The following SEMA3A variants were observed in gnomAD, a reference collection of about 807,000 sequenced individuals.
SEMA3A encodes the protein semaphorin-3A.
In SEMA3A, 29 loss-of-function variants were observed where a neutral mutation model predicts 97.9. The ratio of observed to expected loss-of-function variants is 0.30; its 90% confidence interval spans 0.22 to 0.40. The LOEUF (loss-of-function observed/expected upper bound fraction) is 0.40, where lower values mean the gene tolerates loss of function less well. SEMA3A is among the 10% of genes least tolerant of loss of function. The pLI is 1.00. For synonymous variants in SEMA3A, 321 were observed against 323.7 expected, an observed-to-expected ratio of 0.99 and a Z score of 0.09; for missense variants, 763 against 951.3, an observed-to-expected ratio of 0.80 and a Z score of 2.60.
intron 3 of SEMA3A, among the ~76,000 whole-genome samples, chr7:84,270,108 A>C (rs1800105369): frequency 6.6e-6 from 1 of 152,100 alleles, no homozygotes; most frequent in Non-Finnish European, 1.5e-5. Context: ...CAAAGGATTA[A>C]GCTTGGGAAT....
intron 1 of SEMA3A, among the ~76,000 whole-genome samples, chr7:84,386,417 T>C (rs1278418531): frequency 6.6e-6 from 1 of 152,080 alleles, no homozygotes; most frequent in Non-Finnish European, 1.5e-5. Context: ...GACTGAAAAA[T>C]GGTGCCTGAG....
chr7:84,464,709 T>C (rs1457331039), intron 1 of SEMA3A, among the ~76,000 whole-genome samples: 6 of 152,280 alleles, frequency 3.9e-5, no homozygotes, highest in African/African-American at 7.2e-5. Context: ...AATTGATGCA[T>C]AGAAATTAGC....
At chr7:84,182,454 C>T (rs1461967536) in intron 1 of SEMA3A, among the ~76,000 whole-genome samples, 3 of 152,112 alleles carry the variant, frequency 2.0e-5, no homozygotes, top group African/African-American at 7.2e-5. Context: ...AAATGACTGA[C>T]TTTAGTTCAT....
chr7:84,490,243 AC>A (rs1806687155), intron 1 of SEMA3A, among the ~76,000 whole-genome samples: 1 of 150,986 alleles, frequency 6.6e-6, no homozygotes, highest in African/African-American at 2.4e-5. Context: ...CTATAACACC[AC>A]CACCATTACA....
At chr7:83,984,608 CTTTTT>C (rs371082897) in intron 13 of SEMA3A, among the ~76,000 whole-genome samples, 16 of 98,884 alleles carry the variant, frequency 1.6e-4, no homozygotes, top group South Asian at 1.1e-3. Context: ...GATTTTTCTG[CTTTTT>C]TTTTTTTTTT....
chr7:83,967,394 A>G lies in SEMA3A; in HGVS notation c.1718-4047T>C, dbSNP rs185930895. Among the ~76,000 whole-genome samples the G allele has an allele frequency of 3.3e-5, 5 of 152,258 alleles. 1 individual carries two copies. In the East Asian group the frequency reaches 5.8e-4, roughly 18 times the overall value. ...CAGCTCCAGAAAAAAGTACGAACAG[A>G]AATAATATTTCGGTTCCTATCTTAT... On this transcript the variant is annotated intron_variant, in intron 15 of 16. Coordinates refer to ENST00000265362, the MANE Select transcript of SEMA3A (RefSeq NM_006080.3).
intron 1 of SEMA3A, among the ~76,000 whole-genome samples, chr7:84,458,270 T>C (rs116814933): frequency 6.6e-6 from 1 of 151,998 alleles, no homozygotes; most frequent in Non-Finnish European, 1.5e-5. Context: ...GTAAAAAGAA[T>C]ACATCTTATC....
chr7:84,063,353 G>T (rs966354862), intron 4 of SEMA3A, among the ~76,000 whole-genome samples: 12 of 150,630 alleles, frequency 8.0e-5, no homozygotes, highest in East Asian at 2.0e-4. Context: ...ACTCTAAAAA[G>T]CAGAGCGCCT....
At chr7:84,150,651 T>C (rs201268690) in intron 1 of SEMA3A, among the ~76,000 whole-genome samples, 17,276 of 151,546 alleles carry the variant, frequency 0.11, 1,418 homozygotes, top group African/African-American at 0.22. Context: ...AAGGCGGCAG[T>C]GAGGATGGGG....
At chr7:83,977,231 C>T in intron 14 of SEMA3A, 35 bp from the exon 15 acceptor site, 1 of 1,245,662 alleles carries the variant, frequency 8.0e-7, no homozygotes, top group Non-Finnish European at 1.1e-6. Context: ...GTTATTGTAT[C>T]CTTATTTTTC....
intron 3 of SEMA3A, among the ~76,000 whole-genome samples, chr7:84,291,514 T>G (rs1800745594): frequency 6.6e-6 from 1 of 152,178 alleles, no homozygotes; most frequent in South Asian, 2.1e-4. Context: ...CAGAAAAATG[T>G]TAAAAATTAC....
chr7:83,990,629 A>G (rs1317212967), intron 12 of SEMA3A, among the ~76,000 whole-genome samples: 1 of 146,784 alleles, frequency 6.8e-6, no homozygotes, highest in Non-Finnish European at 1.5e-5. Flanking sequence ...AGATAGTTGT[A>G]GATATGTGGC....
intron 1 of SEMA3A, among the ~76,000 whole-genome samples, chr7:84,491,552 T>C (rs905143030): frequency 6.6e-6 from 1 of 152,126 alleles, no homozygotes; most frequent in African/African-American, 2.4e-5. Flanking sequence ...TTCTTTTACA[T>C]TGGCTGACAT....
chr7:84,478,178 C>G (rs2116426743), intron 1 of SEMA3A, among the ~76,000 whole-genome samples: 1 of 152,240 alleles, frequency 6.6e-6, no homozygotes, highest in East Asian at 1.9e-4. Flanking sequence ...GGACTTGGAG[C>G]AAAACTGAGC....
chr7:84,051,940 A>G (rs1481416381), intron 5 of SEMA3A, among the ~76,000 whole-genome samples: 2 of 150,468 alleles, frequency 1.3e-5, no homozygotes, highest in African/African-American at 4.9e-5. Flanking sequence ...AATTTTGTCA[A>G]AGGCCTTTTC....
At position 84,320,996 on chromosome 7, in the gene SEMA3A, G is replaced by A. The variant is rs75237268; in HGVS notation, c.-168-13704C>T. ...AATATTGGTGAATTACCTCATATTA[G>A]TCCAATATGTATTTAGCTGAATTTC... On this transcript the variant is annotated intron_variant, in intron 2 of 3. Transcript: ENST00000424555. Among the ~76,000 whole-genome samples the A allele has an allele frequency of 7.1e-3, 1,075 of 152,228 alleles. 13 individuals are homozygous for A. Among genetic ancestry groups the A allele is most frequent in the African/African-American group, 0.024 (999 of 41,550 alleles).
At chr7:83,977,065 C>T in intron 15 of SEMA3A, 67 bp downstream of exon 15, 1 of 861,008 alleles carries the variant, frequency 1.2e-6, no homozygotes, top group Non-Finnish European at 1.8e-6. Context: ...CATGCATATG[C>T]ATGAATATGC....
chr7:84,403,455 C>G (rs888110745), intron 1 of SEMA3A, among the ~76,000 whole-genome samples: 1 of 152,208 alleles, frequency 6.6e-6, no homozygotes, highest in Non-Finnish European at 1.5e-5. Flanking sequence ...CCTCTGTAGG[C>G]TCCACCTCTG....
chr7:84,255,635 T>A (rs1799701188), intron 3 of SEMA3A, among the ~76,000 whole-genome samples: 1 of 152,162 alleles, frequency 6.6e-6, no homozygotes, highest in Admixed American at 6.6e-5. Flanking sequence ...CTCTGTGTTC[T>A]TGTCATATTT....
Sources: gnomAD v4.1 joint callset for allele counts (sites outside exome capture counted in the v4.1 genomes callset) on GRCh38, gnomAD v4.1.1 for gene constraint, MANE v1.5 for transcripts, NCBI Gene and HGNC (gene_info 2026-07-23, HGNC 2026-07-21) for gene names.